LRRC8B: variants seen among roughly 807,000 people sequenced by gnomAD.
The protein encoded by LRRC8B is leucine rich repeat containing 8 VRAC subunit B.
Under a neutral mutation model 58.8 loss-of-function variants are expected in LRRC8B, and 23 were observed. The ratio of observed to expected loss-of-function variants is 0.39; its 90% CI spans 0.28 to 0.55. LRRC8B has a LOEUF of 0.55. Among genes scored for constraint, LRRC8B ranks in the 20% least tolerant of loss-of-function variants. The pLI, the probability that LRRC8B is intolerant of heterozygous loss-of-function variation, is 0.62. For missense variants in LRRC8B, 694 were observed against 936.0 expected (o/e 0.74, Z 3.37); for synonymous variants, 359 against 374.1 (o/e 0.96, Z 0.47).
chr1:89,574,742 C>G (rs1653719863), intron 3 of LRRC8B, among the ~76,000 whole-genome samples: 2 of 152,044 alleles, frequency 1.3e-5, no homozygotes, highest in Non-Finnish European at 1.5e-5. Flanking sequence ...GTTTCTCATC[C>G]CCAGCTCCTC....
intron 1 of LRRC8B, among the ~76,000 whole-genome samples, chr1:89,538,772 A>G (rs1437243467): frequency 2.0e-5 from 3 of 152,108 alleles, no homozygotes; most frequent in African/African-American, 7.2e-5. Flanking sequence ...CCAAGCTGGA[A>G]TGCAGTGACA....
intron 1 of LRRC8B, among the ~76,000 whole-genome samples, chr1:89,555,925 A>G (rs1322548414): frequency 6.6e-6 from 1 of 152,198 alleles, no homozygotes; most frequent in Non-Finnish European, 1.5e-5. Flanking sequence ...CCCATTCCTG[A>G]TAAGAGTGTC....
intron 4 of LRRC8B, among the ~76,000 whole-genome samples, chr1:89,581,551 T>C (rs1321774248): frequency 6.6e-6 from 1 of 152,242 alleles, no homozygotes; most frequent in Non-Finnish European, 1.5e-5. Context: ...TTTTACTGAT[T>C]AGCAATTTTT....
At position 89,583,401 on chromosome 1, in the gene LRRC8B, A is replaced by G; in HGVS notation, c.751A>G (p.Lys251Glu). 1 of 1,614,214 alleles carries G rather than the reference A, an allele frequency of 6.2e-7. No homozygotes were observed. Residue 251 changes from lysine to glutamate, a missense_variant, in exon 5 of 6, where the codon AAG (lysine) becomes GAG (glutamate). Physicochemically the swap from Lys to Glu is moderately conservative, Grantham distance 56. Coordinates refer to ENST00000330947, the MANE Select transcript of LRRC8B (RefSeq NM_001369817.2). The surrounding 1 kb of genome is among the most constrained non-coding windows in gnomAD (Gnocchi z 5.2). ...VKRFRMHVEQ[K>E]DIIYRVYLKQ... ...AAGATTCCGCATGCATGTGGAGCAG[A>G]AGGACATCATTTATAGAGTATATCT...
At chr1:89,550,116 C>G (rs1276858785) in intron 1 of LRRC8B, 3 of 152,188 alleles carry the variant, frequency 2.0e-5, no homozygotes, top group Non-Finnish European at 4.4e-5. Context: ...CTAAGGGATA[C>G]CTAAGGAGCC....
chr1:89,553,456 CT>C (rs1057098754), intron 1 of LRRC8B, among the ~76,000 whole-genome samples: 2 of 152,154 alleles, frequency 1.3e-5, no homozygotes, highest in Non-Finnish European at 2.9e-5. Flanking sequence ...ATCTGGCACC[CT>C]TTTGTGTGTG....
chr1:89,533,396 A>T (rs559835036), intron 1 of LRRC8B, among the ~76,000 whole-genome samples: 2 of 152,098 alleles, frequency 1.3e-5, no homozygotes, highest in Non-Finnish European at 2.9e-5. Flanking sequence ...ATACCCCCAT[A>T]CACCAGCTGT....
At chr1:89,588,815 A>G (rs1199493751) in intron 5 of LRRC8B, among the ~76,000 whole-genome samples, 1 of 152,208 alleles carries the variant, frequency 6.6e-6, no homozygotes, top group Non-Finnish European at 1.5e-5. Context: ...TGAAAGGAAC[A>G]CTGAGTCCGC....
At chr1:89,560,221 G>C (rs969186419) in intron 1 of LRRC8B, among the ~76,000 whole-genome samples, 1 of 152,108 alleles carries the variant, frequency 6.6e-6, no homozygotes, top group African/African-American at 2.4e-5. Context: ...TTGTAGTGTT[G>C]ATCCTTCCCT....
At chr1:89,578,291 G>A (rs952762941) in intron 3 of LRRC8B, among the ~76,000 whole-genome samples, 15 of 152,130 alleles carry the variant, frequency 9.9e-5, no homozygotes, top group African/African-American at 3.6e-4. Context: ...TTCTTTTCTG[G>A]CATGTTACAA....
At chr1:89,590,553 G>T (rs1240859695) in intron 5 of LRRC8B, among the ~76,000 whole-genome samples, 2 of 152,212 alleles carry the variant, frequency 1.3e-5, no homozygotes, top group Non-Finnish European at 2.9e-5. Flanking sequence ...CCACTACCTT[G>T]GGAAATCCCT....
chr1:89,545,984 G>A (rs546884344), intron 1 of LRRC8B, among the ~76,000 whole-genome samples: 1 of 152,310 alleles, frequency 6.6e-6, no homozygotes, highest in South Asian at 2.1e-4. Flanking sequence ...ATTGATCATT[G>A]TTGGAGCTGG....
At chr1:89,545,349 A>C (rs1179740656) in intron 1 of LRRC8B, among the ~76,000 whole-genome samples, 1 of 152,222 alleles carries the variant, frequency 6.6e-6, no homozygotes, top group Non-Finnish European at 1.5e-5. Context: ...TGATTCCGAC[A>C]ATTTAGAGAG....
chr1:89,561,342 G>C (rs903246082), intron 1 of LRRC8B, among the ~76,000 whole-genome samples: 10 of 137,244 alleles, frequency 7.3e-5, no homozygotes, highest in Non-Finnish European at 1.3e-4. Context: ...TAGGTTGCCT[G>C]TTCACTCTGA....
intron 1 of LRRC8B, among the ~76,000 whole-genome samples, chr1:89,546,948 G>C (rs1270373104): frequency 6.6e-6 from 1 of 152,142 alleles, no homozygotes; most frequent in Non-Finnish European, 1.5e-5. Flanking sequence ...TTGTGTTATA[G>C]GAATTTTCAA....
At chr1:89,543,640 C>G (rs1651187352) in intron 1 of LRRC8B, among the ~76,000 whole-genome samples, 1 of 151,516 alleles carries the variant, frequency 6.6e-6, no homozygotes, top group African/African-American at 2.4e-5. Flanking sequence ...GGAGTACAGG[C>G]ACATGCCAGC....
At chr1:89,573,306 GAAA>G (rs879688005) in intron 3 of LRRC8B, among the ~76,000 whole-genome samples, 6 of 110,502 alleles carry the variant, frequency 5.4e-5, no homozygotes, top group Admixed American at 4.5e-4. Flanking sequence ...CTCAAAAAAA[GAAA>G]AAAAAAAAAA....
At chr1:89,545,153 A>G (rs955538745) in intron 1 of LRRC8B, among the ~76,000 whole-genome samples, 2 of 152,178 alleles carry the variant, frequency 1.3e-5, no homozygotes, top group Non-Finnish European at 2.9e-5. Flanking sequence ...TGATCTCTGC[A>G]CTATCACATT....
In LRRC8B at chr1:89,594,315, G is replaced by A. The variant is rs775332396; in HGVS notation, c.*1272G>A. 4 of 152,126 alleles carry A rather than the reference G, an allele frequency of 2.6e-5. No individual in the cohort carries two copies. Among genetic ancestry groups the A allele is most frequent in the Non-Finnish European group, 4.4e-5 (3 of 68,014 alleles). The allele number at this position is 152,126 out of a possible 1,614,324, so 9.4% of individuals were successfully genotyped here. ...TACTTTTGGATAACAAAAGCCTTGT[G>A]TTTAATGCCCTAAAGTATTTGGGGG... On this transcript the variant is annotated 3_prime_UTR_variant, in exon 6 of 6. Transcript: ENST00000330947.
Sources: gnomAD v4.1 joint callset for allele counts (sites outside exome capture counted in the v4.1 genomes callset) on GRCh38, gnomAD v4.1.1 for gene constraint, Gnocchi (gnomAD v3.1) non-coding constraint, MANE v1.5 for transcripts, NCBI Gene and HGNC (gene_info 2026-07-23, HGNC 2026-07-21) for gene names.